The following PTPRG variants were observed in gnomAD, a reference collection of about 807,000 sequenced individuals.
PTPRG encodes the protein receptor-type tyrosine-protein phosphatase gamma.
Under a neutral mutation model 165.3 loss-of-function variants are expected in PTPRG, and 102 were observed. That is an observed-to-expected ratio of 0.62 (90% confidence interval 0.53 to 0.73). The LOEUF (loss-of-function observed/expected upper bound fraction) is 0.73, where lower values mean the gene tolerates loss of function less well. PTPRG is among the 30% of genes least tolerant of loss of function. The probability of loss-of-function intolerance (pLI) is 0.00; values close to 1 mark genes in which losing one functional copy is unlikely to be tolerated. For synonymous variants in PTPRG, 675 were observed against 669.5 expected (o/e 1.01, Z -0.13); for missense variants, 1,866 against 1,861.4 (o/e 1.00, Z -0.05).
intron 2 of PTPRG, among the ~76,000 whole-genome samples, chr3:61,967,667 T>C (rs565525457): frequency 3.3e-5 from 5 of 152,322 alleles, no homozygotes; most frequent in Admixed American, 3.3e-4. Flanking sequence ...CTTCCAAATT[T>C]AGTGCATGTA....
intron 2 of PTPRG, among the ~76,000 whole-genome samples, chr3:61,931,898 C>A (rs893294471): frequency 2.6e-5 from 4 of 152,172 alleles, no homozygotes; most frequent in Non-Finnish European, 5.9e-5. Context: ...CAAAGCCAGA[C>A]CTTTGGTCCT....
In PTPRG at chr3:62,203,937, C is replaced by A; in HGVS notation, c.2142C>A (p.Ile714=). The change falls in exon 12 of 30, where the codon ATC becomes ATA. Residue 714 remains isoleucine, a synonymous_variant. Coordinates refer to ENST00000474889, the MANE Select transcript of PTPRG (RefSeq NM_002841.4). The surrounding 1 kb of genome is among the most constrained non-coding windows in gnomAD (Gnocchi z 6.4). The stretch of plus-strand genomic sequence containing the variant: ...GATTTTCTGAAGACAGCAGATTTAT[C>A]ACTGTTAATCCAGGTAAGTGGTGCA... ...GDRFSEDSRF[I]TVNPAEKNTS... The A allele has an allele frequency of 6.3e-7, 1 of 1,581,972 alleles. No individual in the cohort carries two copies.
chr3:61,626,396 C>G (rs115486136), intron 1 of PTPRG, among the ~76,000 whole-genome samples: 1,616 of 152,176 alleles, frequency 0.011, 25 homozygotes, highest in African/African-American at 0.037. Flanking sequence ...GATTTGGTAG[C>G]CTGAATTCCA....
Position 62,168,151 on chromosome 3 carries a change from GA to G in PTPRG, c.1023del (p.Ala342ProfsTer12). ...CTTCTTAGAAAACCCACTGGGGACA[GA>G]AGCCTCTAAAGGTATATTTGGCTTA... Reference protein sequence around the residue: ...TDFLENPLGTEASKVCSSPPI... With the variant: ...TDFLENPLGTXASKVCSSPPI... On this transcript the variant is annotated frameshift_variant, in exon 8 of 30. Coordinates refer to ENST00000474889, the MANE Select transcript of PTPRG (RefSeq NM_002841.4). LOFTEE classifies it high-confidence loss of function. The G allele has an allele frequency of 6.2e-7, 1 of 1,613,890 alleles. No homozygotes were observed. Among genetic ancestry groups the G allele is most frequent in the Non-Finnish European group, 8.5e-7 (1 of 1,179,884 alleles).
At chr3:61,900,221 A>G (rs1345695702) in intron 2 of PTPRG, among the ~76,000 whole-genome samples, 2 of 152,100 alleles carry the variant, frequency 1.3e-5, no homozygotes, top group Non-Finnish European at 2.9e-5. Context: ...TATCTGTATC[A>G]TCGTTAAAAA....
intron 1 of PTPRG, among the ~76,000 whole-genome samples, chr3:61,576,597 G>A (rs1465325940): frequency 6.6e-6 from 1 of 152,194 alleles, no homozygotes; most frequent in Non-Finnish European, 1.5e-5. Flanking sequence ...ATTTTCAATA[G>A]TTGGTCTGGG....
intron 1 of PTPRG, among the ~76,000 whole-genome samples, chr3:61,566,469 A>T (rs1001810161): frequency 2.6e-5 from 4 of 152,178 alleles, no homozygotes; most frequent in African/African-American, 7.2e-5. Context: ...GTTACTCAGG[A>T]GCCTCTCCTA....
chr3:62,125,260 CA>C (rs1203016218), intron 5 of PTPRG, among the ~76,000 whole-genome samples: 1 of 152,126 alleles, frequency 6.6e-6, no homozygotes, highest in Non-Finnish European at 1.5e-5. Context: ...GATTCTTTTT[CA>C]AAAGAAGGAT....
At chr3:62,069,834 A>T (rs993756839) in intron 4 of PTPRG, among the ~76,000 whole-genome samples, 1 of 152,192 alleles carries the variant, frequency 6.6e-6, no homozygotes, top group African/African-American at 2.4e-5. Flanking sequence ...TCTGTGTTGC[A>T]GTGTAGAGGC....
intron 2 of PTPRG, among the ~76,000 whole-genome samples, chr3:61,918,040 A>G (rs559627529): frequency 6.6e-6 from 1 of 152,366 alleles, no homozygotes; most frequent in South Asian, 2.1e-4. Flanking sequence ...AGAGATCAGT[A>G]AAACAGAAGT....
chr3:62,232,928 C>T (rs1488100154), intron 14 of PTPRG, among the ~76,000 whole-genome samples: 1 of 152,222 alleles, frequency 6.6e-6, no homozygotes, highest in Non-Finnish European at 1.5e-5. Flanking sequence ...AACTGCAGCT[C>T]TGCCACTTCC....
intron 20 of PTPRG, among the ~76,000 whole-genome samples, chr3:62,270,520 C>T (rs1467991915): frequency 6.6e-6 from 1 of 152,244 alleles, no homozygotes. Context: ...GGCCCACTTA[C>T]TCTTGTTTTA....
intron 3 of PTPRG, among the ~76,000 whole-genome samples, chr3:61,993,054 A>G (rs943201732): frequency 1.2e-4 from 19 of 152,160 alleles, no homozygotes; most frequent in African/African-American, 4.6e-4. Context: ...TTTTGTCTGG[A>G]ACATATAAAT....
chr3:61,763,404 AT>A (rs1243368701), intron 2 of PTPRG, among the ~76,000 whole-genome samples: 1 of 151,756 alleles, frequency 6.6e-6, no homozygotes, highest in Non-Finnish European at 1.5e-5. Flanking sequence ...CACCCGGCTA[AT>A]TTTTGTATTT....
At chr3:61,995,814 A>G (rs1487278484) in intron 3 of PTPRG, among the ~76,000 whole-genome samples, 2 of 149,102 alleles carry the variant, frequency 1.3e-5, no homozygotes, top group Non-Finnish European at 3.0e-5. Context: ...TCTGTCTCCA[A>G]GCTGGAGTGC....
intron 2 of PTPRG, among the ~76,000 whole-genome samples, chr3:61,816,346 A>G (rs1324844003): frequency 6.6e-6 from 1 of 152,172 alleles, no homozygotes; most frequent in Non-Finnish European, 1.5e-5. Context: ...CCTGGCCAAC[A>G]TGGCGAAACT....
At chr3:62,019,586 T>C (rs1328672645) in intron 4 of PTPRG, among the ~76,000 whole-genome samples, 1 of 149,664 alleles carries the variant, frequency 6.7e-6, no homozygotes, top group East Asian at 2.0e-4. Flanking sequence ...TATAACAGGG[T>C]GATTATAATG....
intron 15 of PTPRG, among the ~76,000 whole-genome samples, chr3:62,244,507 T>C (rs1443007547): frequency 6.6e-6 from 1 of 152,184 alleles, no homozygotes; most frequent in Non-Finnish European, 1.5e-5. Context: ...CCCTTCTTCT[T>C]TGCCAGATTT....
At chr3:61,887,386 G>A (rs1236462619) in intron 2 of PTPRG, among the ~76,000 whole-genome samples, 1 of 151,942 alleles carries the variant, frequency 6.6e-6, no homozygotes, top group Non-Finnish European at 1.5e-5. Flanking sequence ...TAAGAATAAA[G>A]AGTCCAGCAA....
Sources: gnomAD v4.1 joint callset for allele counts (sites outside exome capture counted in the v4.1 genomes callset) on GRCh38, gnomAD v4.1.1 for gene constraint, Gnocchi (gnomAD v3.1) non-coding constraint, MANE v1.5 for transcripts, NCBI Gene and HGNC (gene_info 2026-07-23, HGNC 2026-07-21) for gene names.